The following PKD1L1 variants were observed in gnomAD, a reference collection of about 807,000 sequenced individuals.
The protein encoded by PKD1L1 is polycystin-1-like protein 1.
PKD1L1 carries 236 observed loss-of-function variants against 323.4 expected under a neutral mutation model. The ratio of observed to expected loss-of-function variants is 0.73; its 90% CI spans 0.66 to 0.81. The LOEUF (loss-of-function observed/expected upper bound fraction) is 0.81. PKD1L1 is among the 40% of genes least tolerant of loss of function. The probability of loss-of-function intolerance (pLI) is 0.00; values close to 1 mark genes in which losing one functional copy is unlikely to be tolerated. For missense variants in PKD1L1, 3,320 were observed against 3,508.0 expected (o/e 0.95, Z 1.35); for synonymous variants, 1,344 against 1,335.0 (o/e 1.01, Z -0.15).
rs770188470 is a variant in PKD1L1 at position 47,830,055 on chromosome 7, G to A, written c.6543C>T (p.Ile2181=). The A allele has an allele frequency of 2.5e-6, 4 of 1,614,170 alleles. No homozygotes were observed. The highest frequency in any genetic ancestry group is 1.7e-5 in the Admixed American group (1 of 60,028). ...TGTTTCTTACCATAAGTGGCTGGGT[G>A]ATGAAAATACAGCAGACCACGGAGA... ...LSLSVVCCIF[I]TQPLMVCLMA... Residue 2181 remains isoleucine (I), a synonymous_variant, in exon 43 of 57, where the codon ATC becomes ATT. Transcript: ENST00000289672.
At chr7:47,867,681 A>G (rs1244619447) in intron 24 of PKD1L1, among the ~76,000 whole-genome samples, 1 of 152,218 alleles carries the variant, frequency 6.6e-6, no homozygotes, top group Non-Finnish European at 1.5e-5. Context: ...TCAAAGAATG[A>G]AAGGAAACCA....
At chr7:47,939,436 C>T (rs1787937691) in intron 3 of PKD1L1, among the ~76,000 whole-genome samples, 1 of 152,160 alleles carries the variant, frequency 6.6e-6, no homozygotes, top group Admixed American at 6.5e-5. Context: ...GCTGTCTGTG[C>T]ATGTCCCTTT....
chr7:47,858,068 T>G (rs937954465), intron 27 of PKD1L1, among the ~76,000 whole-genome samples: 1 of 152,146 alleles, frequency 6.6e-6, no homozygotes, highest in Non-Finnish European at 1.5e-5. Flanking sequence ...GACTATTTAC[T>G]TGCTAATTTC....
chr7:47,954,900 C>G, the PKD1L1 span, among the ~76,000 whole-genome samples: 1 of 152,188 alleles, frequency 6.6e-6, no homozygotes, highest in Non-Finnish European at 1.5e-5. Flanking sequence ...GCTACATATG[C>G]TGGTTATGGT....
At chr7:47,898,724 T>C (rs1403060421) in intron 13 of PKD1L1, among the ~76,000 whole-genome samples, 1 of 152,112 alleles carries the variant, frequency 6.6e-6, no homozygotes, top group Non-Finnish European at 1.5e-5. Flanking sequence ...AATATACATC[T>C]CTAAAAACTA....
In PKD1L1 at chr7:47,930,999, A is replaced by G. The variant is rs941937477; in HGVS notation, c.737+105T>C. ...ACTGGACTCAACTGCAACTATAATT[A>G]AAGCAAACAACGAAGATACTAAAAT... On this transcript the variant is annotated intron_variant, in intron 6 of 56. Coordinates refer to ENST00000289672, the MANE Select transcript of PKD1L1 (RefSeq NM_138295.5). 11 of 1,188,228 alleles carry G rather than the reference A, an allele frequency of 9.3e-6. No homozygotes were observed. The African/African-American group carries it at 1.7e-4, about 18-fold the overall frequency. The allele number at this position is 1,188,228 out of a possible 1,614,324, so 73.6% of individuals were successfully genotyped here. A position where few individuals can be genotyped will look rare whatever the true frequency, so the allele number is the denominator to read the frequency against.
At chr7:47,926,598 T>C (rs1787660188) in intron 7 of PKD1L1, among the ~76,000 whole-genome samples, 1 of 152,190 alleles carries the variant, frequency 6.6e-6, no homozygotes, top group Non-Finnish European at 1.5e-5. Context: ...CATCAACACA[T>C]GATTTAAATA....
Position 47,880,820 on chromosome 7 carries a change from T to C in PKD1L1, c.3443-15A>G, listed in dbSNP as rs368779998. 4 of 1,587,988 alleles carry C rather than the reference T, an allele frequency of 2.5e-6. No individual in the cohort carries two copies. Among genetic ancestry groups the C allele is most frequent in the African/African-American group, 2.7e-5 (2 of 73,298 alleles). ...TTCTGTAATACCTGCAGAAAAGACATGGCTGCATGGAAATGACAGTCAGTG... is the reference window on the plus strand; with the variant it reads ...TTCTGTAATACCTGCAGAAAAGACACGGCTGCATGGAAATGACAGTCAGTG... On this transcript the variant is annotated splice_polypyrimidine_tract_variant and intron_variant, in intron 20 of 56. Transcript: ENST00000289672.
In PKD1L1 at chr7:47,905,291, G is replaced by GT. The variant is rs1450681554; in HGVS notation, c.1556_1557insA (p.Thr520HisfsTer20). On this transcript the variant is annotated frameshift_variant, in exon 11 of 57. Transcript: ENST00000289672. LOFTEE classifies it high-confidence loss of function. ...CTGTAAATGTAATGTCTGTGTCTGT[G>GT]GCAAACACAGTTCCATTTGTGTAGA... 1.1e-5 allele frequency: 17 copies of GT among 1,613,952 alleles called. No individual in the cohort carries two copies. The highest frequency in any genetic ancestry group is 1.4e-5 in the Non-Finnish European group (17 of 1,180,020).
chr7:47,905,945 G>C lies in PKD1L1; in HGVS notation c.1420C>G (p.His474Asp), dbSNP rs1787196122. ...VNQKSTVVIH[H>D]FPSIPSYNVS... The stretch of plus-strand genomic sequence containing the variant: ...TTATATGAAGGAATAGATGGAAAGT[G>C]ATGTATAACCACAGTGCCTAAAATG... Residue 474 changes from histidine (H) to aspartate (D), a missense_variant, in exon 10 of 57, where the codon CAC becomes GAC. Physicochemically the swap from His to Asp is moderately conservative, Grantham distance 81 (BLOSUM62 -1). Transcript: ENST00000289672. 1 of 1,608,062 alleles carries C rather than the reference G, an allele frequency of 6.2e-7. No individual in the cohort carries two copies. Among genetic ancestry groups the C allele is most frequent in the Non-Finnish European group, 8.5e-7 (1 of 1,178,060 alleles).
rs574520557 is a variant in PKD1L1, at chr7:47,805,139, C to T, written c.7828-1795G>A. On this transcript the variant is annotated intron_variant, in intron 52 of 56. Transcript: ENST00000289672. ...CACACACATTCAAATCCTAGCAAAA[C>T]CCCCAAGGTATGTATCATAGTTCTA... Among the ~76,000 whole-genome samples the T allele has an allele frequency of 2.0e-5, 3 of 151,958 alleles. No individual in the cohort carries two copies. The South Asian group carries it at 6.2e-4, about 32-fold the overall frequency.
chr7:47,824,765 C>G (rs1327713578), intron 45 of PKD1L1, among the ~76,000 whole-genome samples: 1 of 152,182 alleles, frequency 6.6e-6, no homozygotes, highest in African/African-American at 2.4e-5. Context: ...TCCTGCAGGC[C>G]TCTCCCTAGG....
At chr7:47,952,310 C>A (rs1788215762), upstream of PKD1L1, among the ~76,000 whole-genome samples, 1 of 152,190 alleles carries the variant, frequency 6.6e-6, no homozygotes. Context: ...CGATCAGCCC[C>A]CTCCACCCCA....
intron 45 of PKD1L1, among the ~76,000 whole-genome samples, chr7:47,823,744 A>C (rs1785191665): frequency 6.6e-6 from 1 of 152,166 alleles, no homozygotes; most frequent in Non-Finnish European, 1.5e-5. Context: ...TAATTCTATT[A>C]CCTGGTCCCC....
intron 44 of PKD1L1, among the ~76,000 whole-genome samples, chr7:47,827,826 G>A (rs1387966523): frequency 7.2e-5 from 11 of 152,208 alleles, no homozygotes; most frequent in Middle Eastern, 3.4e-3. Flanking sequence ...AGACTTTCAA[G>A]GTATGAAAAA....
At position 47,940,300 on chromosome 7, in the gene PKD1L1, C is replaced by G. The variant is rs759296636; in HGVS notation, c.178G>C (p.Val60Leu). ...GLWVEVYANH[V>L]LLMSDGKCGC... Reference sequence around the variant, plus strand: ...CACTTCCCATCACTCATAAGAAGCACATGATTAGCATAGACCTCTAGAGAA... The same window carrying G: ...CACTTCCCATCACTCATAAGAAGCAGATGATTAGCATAGACCTCTAGAGAA... Residue 60 changes from valine to leucine, a missense_variant, in exon 3 of 57, where the codon GTG becomes CTG. Transcript: ENST00000289672. 1.2e-6 allele frequency: 2 copies of G among 1,612,846 alleles called. No homozygotes were observed. Among genetic ancestry groups the G allele is most frequent in the African/African-American group, 2.7e-5 (2 of 74,762 alleles).
intron 36 of PKD1L1, among the ~76,000 whole-genome samples, chr7:47,838,968 G>A (rs954906375): frequency 5.3e-5 from 8 of 151,796 alleles, no homozygotes; most frequent in Admixed American, 1.3e-4. Flanking sequence ...AGGGAAAGAC[G>A]GAAAGGACAT....
At position 47,840,480 on chromosome 7, in the gene PKD1L1, T is replaced by C; in HGVS notation, c.5533A>G (p.Arg1845Gly). 6.2e-7 allele frequency: 1 copy of C among 1,613,820 alleles called. No homozygotes were observed. Among genetic ancestry groups the C allele is most frequent in the South Asian group, 1.1e-5 (1 of 91,070 alleles). Residue 1845 changes from arginine (R) to glycine (G), a missense_variant, in exon 35 of 57, where the codon AGA becomes GGA. Arg to Gly is a moderately radical substitution (Grantham distance 125). Transcript: ENST00000289672. The surrounding 1 kb of genome is among the most constrained non-coding windows in gnomAD (Gnocchi z 4.1). ...PEKPLFERNS[R>G]HTFILSAPAQ... The stretch of plus-strand genomic sequence containing the variant: ...GAATACCTCAGGATAAAGGTGTGTC[T>C]GGAATTCCTTTCAAACAGGGGCTTC...
chr7:47,784,520 T>C (rs1430377687), intron 56 of PKD1L1, among the ~76,000 whole-genome samples: 4 of 152,136 alleles, frequency 2.6e-5, no homozygotes, highest in South Asian at 4.1e-4. Context: ...TTGCCCAAGC[T>C]AGAGTGCAAT....
Sources: gnomAD v4.1 joint callset for allele counts (sites outside exome capture counted in the v4.1 genomes callset) on GRCh38, gnomAD v4.1.1 for gene constraint, Gnocchi (gnomAD v3.1) non-coding constraint, MANE v1.5 for transcripts, NCBI Gene and HGNC (gene_info 2026-07-23, HGNC 2026-07-21) for gene names.